The following SSH2 variants were observed in gnomAD, a reference collection of about 807,000 sequenced individuals.
SSH2 encodes the protein protein phosphatase Slingshot homolog 2.
A neutral mutation model predicts 135.2 loss-of-function variants in SSH2; 37 were observed. The observed-to-expected ratio is 0.27, with a 90% CI of 0.21 to 0.36. SSH2 has a LOEUF of 0.36. Among genes scored for constraint, SSH2 ranks in the 10% least tolerant of loss-of-function variants. The pLI is 1.00. For synonymous variants in SSH2, 628 were observed against 646.2 expected (o/e 0.97, Z 0.43); for missense variants, 1,408 against 1,765.3 (o/e 0.80, Z 3.63).
chr17:29,796,917 A>G (rs1177919629), intron 2 of SSH2, among the ~76,000 whole-genome samples: 1 of 151,512 alleles, frequency 6.6e-6, no homozygotes, highest in African/African-American at 2.4e-5. Flanking sequence ...GGTTCAAGCA[A>G]TTCTCCTGCC....
chr17:29,748,696 T>TA (rs895141878), intron 3 of SSH2, among the ~76,000 whole-genome samples: 2 of 151,918 alleles, frequency 1.3e-5, no homozygotes, highest in East Asian at 1.9e-4. Context: ...ATGTGAGTGG[T>TA]AAAAAAAATT....
In SSH2 at chr17:29,628,743, G is replaced by A. The variant is rs3809789; in HGVS notation, c.*2098C>T. ...GATGAGATACTTGAACATTCAAGGA[G>A]ACTACTGAGCAACAGCACAGGGTAC... On this transcript the variant is annotated 3_prime_UTR_variant, in exon 16 of 16. Coordinates refer to ENST00000540801, the MANE Select transcript of SSH2 (RefSeq NM_001282129.2). 86,355 of 152,160 alleles carry A rather than the reference G, an allele frequency of 0.57. 27,342 individuals are homozygous for A. The highest frequency in any genetic ancestry group is 0.86 in the African/African-American group (35,874 of 41,538). 9.4% of individuals were successfully genotyped at this position (152,160 alleles called of 1,614,324 possible). A position where few individuals can be genotyped will look rare whatever the true frequency, so the allele number is the denominator to read the frequency against.
intron 12 of SSH2, among the ~76,000 whole-genome samples, chr17:29,653,939 T>C (rs983680739): frequency 2.6e-5 from 4 of 152,154 alleles, no homozygotes; most frequent in South Asian, 4.1e-4. Context: ...GTAAAAAACA[T>C]TGTCCCACTC....
At chr17:29,927,825 C>A (rs1198974911) in intron 1 of SSH2, among the ~76,000 whole-genome samples, 1 of 152,154 alleles carries the variant, frequency 6.6e-6, no homozygotes, top group Non-Finnish European at 1.5e-5. Flanking sequence ...CAAGTATAAA[C>A]AACTGAAATA....
chr17:29,744,881 G>GTGTGTGTGTGTGTT (rs1555625842), intron 3 of SSH2, among the ~76,000 whole-genome samples: 95 of 151,214 alleles, frequency 6.3e-4, no homozygotes, highest in African/African-American at 2.3e-3. Flanking sequence ...GTGTGTGTGT[G>GTGTGTGTGTGTGTT]TGTGTGTGTG....
chr17:29,676,652 T>C lies in SSH2; in HGVS notation c.614+168A>G, dbSNP rs368588122. On this transcript the variant is annotated intron_variant, in intron 8 of 15. Coordinates refer to ENST00000540801, the MANE Select transcript of SSH2 (RefSeq NM_001282129.2). ...TTCACCAATACTCAAGGCCTTCCAA[T>C]TGCAACAATTTGAATATTGCATTTC... 2.8e-4 allele frequency: 155 copies of C among 559,178 alleles called. No individual in the cohort carries two copies. The East Asian group carries it at 4.9e-3, about 18-fold the overall frequency. 34.6% of individuals were successfully genotyped at this position (559,178 alleles called of 1,614,324 possible).
chr17:29,635,697 C>A (rs527573087), intron 15 of SSH2, among the ~76,000 whole-genome samples: 1 of 152,152 alleles, frequency 6.6e-6, no homozygotes, highest in Non-Finnish European at 1.5e-5. Context: ...TGTGAGCCAC[C>A]GCGCCTGGTC....
intron 5 of SSH2, among the ~76,000 whole-genome samples, chr17:29,689,082 CAGG>C (rs2038354054): frequency 6.6e-6 from 1 of 151,798 alleles, no homozygotes; most frequent in Admixed American, 6.6e-5. Flanking sequence ...TGCTGGAACC[CAGG>C]AGGAGGAGGT....
At chr17:29,659,593 G>A (rs561476786) in intron 11 of SSH2, among the ~76,000 whole-genome samples, 14 of 152,234 alleles carry the variant, frequency 9.2e-5, no homozygotes, top group African/African-American at 3.1e-4. Context: ...GCACCATCTC[G>A]GATCACTGCA....
intron 12 of SSH2, among the ~76,000 whole-genome samples, chr17:29,653,956 A>C (rs1207192971): frequency 6.6e-6 from 1 of 152,206 alleles, no homozygotes; most frequent in Non-Finnish European, 1.5e-5. Flanking sequence ...ACTCCTAAAG[A>C]AATCTTAAGG....
intron 3 of SSH2, among the ~76,000 whole-genome samples, chr17:29,712,798 T>A (rs1224803182): frequency 6.6e-6 from 1 of 152,048 alleles, no homozygotes; most frequent in Non-Finnish European, 1.5e-5. Context: ...AGTAAGACTG[T>A]CTCAAAAACA....
chr17:29,823,466 T>C (rs1320191162), intron 2 of SSH2, among the ~76,000 whole-genome samples: 1 of 152,136 alleles, frequency 6.6e-6, no homozygotes, highest in African/African-American at 2.4e-5. Context: ...ACACCCCACA[T>C]TGGGCCACCC....
chr17:29,691,094 G>A (rs1271421002), intron 5 of SSH2, among the ~76,000 whole-genome samples: 3 of 150,064 alleles, frequency 2.0e-5, no homozygotes, highest in Non-Finnish European at 3.0e-5. Context: ...CATTGTTTGG[G>A]AGAAAAAAAA....
intron 3 of SSH2, among the ~76,000 whole-genome samples, chr17:29,758,777 C>T (rs1431816218): frequency 6.6e-6 from 1 of 152,212 alleles, no homozygotes; most frequent in Non-Finnish European, 1.5e-5. Context: ...GAGGCAGGGT[C>T]TTGCTCTGCC....
chr17:29,791,939 G>A (rs1216647370), intron 3 of SSH2, among the ~76,000 whole-genome samples: 1 of 104,102 alleles, frequency 9.6e-6, no homozygotes, highest in East Asian at 2.9e-4. Context: ...TTTTTTTTTA[G>A]TAAGACAGAG....
At chr17:29,637,804 T>C (rs976350495) in intron 14 of SSH2, among the ~76,000 whole-genome samples, 1 of 146,008 alleles carries the variant, frequency 6.8e-6, no homozygotes, top group African/African-American at 2.5e-5. Context: ...AAAATAAAAA[T>C]AAAGAAAGAT....
At chr17:29,831,026 T>A (rs1199414993) in intron 2 of SSH2, among the ~76,000 whole-genome samples, 1 of 152,204 alleles carries the variant, frequency 6.6e-6, no homozygotes, top group Non-Finnish European at 1.5e-5. Context: ...TTGATTAACG[T>A]GCCAGTGGAT....
intron 2 of SSH2, among the ~76,000 whole-genome samples, chr17:29,817,063 TAG>T (rs986172150): frequency 1.3e-5 from 2 of 152,204 alleles, no homozygotes; most frequent in African/African-American, 4.8e-5. Flanking sequence ...AAATATTATA[TAG>T]AGAAGGGTAA....
chr17:29,771,755 A>G (rs1337392152), intron 3 of SSH2, among the ~76,000 whole-genome samples: 4 of 152,148 alleles, frequency 2.6e-5, no homozygotes, highest in African/African-American at 9.7e-5. Context: ...TTCACAAGCA[A>G]TTTAGTACTA....
Sources: allele counts gnomAD v4.1 joint callset (sites outside exome capture counted in the v4.1 genomes callset), GRCh38; gene constraint gnomAD v4.1.1; transcripts MANE v1.5; gene names NCBI Gene and HGNC (gene_info 2026-07-23, HGNC 2026-07-21).